The following SPOCK3 variants were observed in gnomAD, a reference collection of about 807,000 sequenced individuals.
SPOCK3 encodes the protein SPARC (osteonectin), cwcv and kazal like domains proteoglycan 3, also known as testican-3.
Under a neutral mutation model 56.6 loss-of-function variants are expected in SPOCK3, and 30 were observed. That is an observed-to-expected ratio of 0.53 (90% confidence interval 0.40 to 0.72). The LOEUF is 0.72. Ranked by LOEUF, SPOCK3 falls within the 30% of genes least tolerant of loss-of-function variation. The probability of loss-of-function intolerance (pLI) is 0.00; values close to 1 mark genes in which losing one functional copy is unlikely to be tolerated. For missense variants in SPOCK3, 527 were observed against 530.0 expected, an observed-to-expected ratio of 0.99 and a Z score of 0.06; for synonymous variants, 196 against 183.3, an observed-to-expected ratio of 1.07 and a Z score of -0.56.
intron 2 of SPOCK3, among the ~76,000 whole-genome samples, chr4:167,156,264 G>C (rs559358490): frequency 1.3e-5 from 2 of 152,092 alleles, no homozygotes; most frequent in South Asian, 2.1e-4. Flanking sequence ...CAGATATAGA[G>C]ATATAGTTAA....
chr4:167,173,077 C>T (rs1296187647), intron 2 of SPOCK3, among the ~76,000 whole-genome samples: 1 of 152,014 alleles, frequency 6.6e-6, no homozygotes, highest in Non-Finnish European at 1.5e-5. Context: ...ATTTGCAGTC[C>T]AGGACAGTAG....
In SPOCK3 at chr4:167,130,837, AT is replaced by A. The variant is rs1762647762; in HGVS notation, c.190-68301del. Among the ~76,000 whole-genome samples the A allele has an allele frequency of 3.3e-5, 5 of 152,312 alleles. 1 individual carries two copies. In the South Asian group the frequency reaches 1.0e-3, roughly 32 times the overall value. ...TATTATAAACCATGTCACTAGAAAA[AT>A]TTAGATTAAAATATGCTTCAAGATA... is the stretch of plus-strand genomic sequence containing the variant. On this transcript the variant is annotated intron_variant, in intron 2 of 10. Transcript: ENST00000357545.
intron 6 of SPOCK3, among the ~76,000 whole-genome samples, chr4:166,829,501 C>T (rs1745819449): frequency 6.6e-6 from 1 of 152,026 alleles, no homozygotes; most frequent in Admixed American, 6.6e-5. Flanking sequence ...AGCATGATTG[C>T]ATTTTACTAT....
chr4:167,017,538 C>A (rs1201682566), intron 3 of SPOCK3, among the ~76,000 whole-genome samples: 1 of 152,042 alleles, frequency 6.6e-6, no homozygotes, highest in African/African-American at 2.4e-5. Context: ...GGCTAAGTCT[C>A]CCCTTCACCA....
At chr4:167,001,913 T>A (rs1295219322) in intron 3 of SPOCK3, among the ~76,000 whole-genome samples, 1 of 152,166 alleles carries the variant, frequency 6.6e-6, no homozygotes, top group Non-Finnish European at 1.5e-5. Context: ...ATAGCCTAAA[T>A]AAAGTGAATA....
At chr4:166,984,513 T>C (rs1746926520) in intron 4 of SPOCK3, among the ~76,000 whole-genome samples, 1 of 152,108 alleles carries the variant, frequency 6.6e-6, no homozygotes, top group Non-Finnish European at 1.5e-5. Context: ...GGGAGTTGTA[T>C]TGTTTGTTGA....
intron 3 of SPOCK3, among the ~76,000 whole-genome samples, chr4:167,042,710 G>A (rs1434634073): frequency 6.6e-6 from 1 of 152,078 alleles, no homozygotes. Flanking sequence ...GGTTAAAAAG[G>A]CTTTCATTAG....
chr4:166,743,401 T>C (rs952200255), intron 8 of SPOCK3, among the ~76,000 whole-genome samples: 2 of 152,106 alleles, frequency 1.3e-5, no homozygotes, highest in Non-Finnish European at 2.9e-5. Context: ...GCTTAACATA[T>C]ACATTGTAGT....
chr4:167,138,515 A>C (rs2150394609), intron 2 of SPOCK3, among the ~76,000 whole-genome samples: 1 of 152,056 alleles, frequency 6.6e-6, no homozygotes, highest in East Asian at 1.9e-4. Flanking sequence ...GGAAGAAGGA[A>C]GAGCTGCTTA....
chr4:166,824,274 C>T (rs1414225978), intron 6 of SPOCK3, among the ~76,000 whole-genome samples: 1 of 152,096 alleles, frequency 6.6e-6, no homozygotes, highest in African/African-American at 2.4e-5. Context: ...AAGTATTCTA[C>T]AATACATCCA....
At chr4:166,850,774 G>T (rs972409846) in intron 6 of SPOCK3, among the ~76,000 whole-genome samples, 1 of 152,220 alleles carries the variant, frequency 6.6e-6, no homozygotes, top group South Asian at 2.1e-4. Flanking sequence ...TTAAAAAACG[G>T]TGCAACAGGA....
chr4:167,197,654 T>G (rs1439541882), intron 2 of SPOCK3, among the ~76,000 whole-genome samples: 1 of 152,026 alleles, frequency 6.6e-6, no homozygotes, highest in Non-Finnish European at 1.5e-5. Flanking sequence ...CTTGTGAAAT[T>G]TAAAGTTAAA....
chr4:166,822,993 T>G (rs1298382079), intron 6 of SPOCK3, among the ~76,000 whole-genome samples: 1 of 152,090 alleles, frequency 6.6e-6, no homozygotes, highest in South Asian at 2.1e-4. Context: ...CAAAAATACA[T>G]ACTTAGGAAG....
intron 4 of SPOCK3, among the ~76,000 whole-genome samples, chr4:166,990,498 T>C (rs1747666782): frequency 1.3e-5 from 2 of 152,076 alleles, no homozygotes; most frequent in Non-Finnish European, 1.5e-5. Flanking sequence ...GGCTGAAATA[T>C]AGCAGAAATG....
chr4:166,847,211 A>T (rs1353573572), intron 6 of SPOCK3, among the ~76,000 whole-genome samples: 1 of 152,106 alleles, frequency 6.6e-6, no homozygotes, highest in Non-Finnish European at 1.5e-5. Context: ...TTTTCAAGCT[A>T]AGTGCTTTTC....
intron 4 of SPOCK3, among the ~76,000 whole-genome samples, chr4:166,971,271 T>A (rs1175197595): frequency 6.6e-6 from 1 of 151,818 alleles, no homozygotes; most frequent in East Asian, 1.9e-4. Context: ...TTTTTATTTT[T>A]CCCCCCATGT....
intron 6 of SPOCK3, among the ~76,000 whole-genome samples, chr4:166,865,454 T>A (rs553912259): frequency 1.3e-5 from 2 of 152,152 alleles, no homozygotes; most frequent in East Asian, 3.9e-4. Context: ...GAGAAAGAAA[T>A]AAAGTTTTTC....
chr4:166,950,109 C>G (rs1381839502), intron 4 of SPOCK3, among the ~76,000 whole-genome samples: 1 of 151,132 alleles, frequency 6.6e-6, no homozygotes, highest in Non-Finnish European at 1.5e-5. Flanking sequence ...TGTAAATGGA[C>G]TAAATGCTCC....
intron 7 of SPOCK3, among the ~76,000 whole-genome samples, chr4:166,787,664 A>G (rs1297197929): frequency 1.3e-5 from 2 of 152,314 alleles, no homozygotes; most frequent in African/African-American, 4.8e-5. Context: ...GGTTACTAAG[A>G]ATAACTCTGT....
Sources: gnomAD v4.1 joint callset for allele counts (sites outside exome capture counted in the v4.1 genomes callset) on GRCh38, gnomAD v4.1.1 for gene constraint, MANE v1.5 for transcripts, NCBI Gene and HGNC (gene_info 2026-07-23, HGNC 2026-07-21) for gene names.